L3MBTL4: variants seen among roughly 807,000 people sequenced by gnomAD.
L3MBTL4 encodes the protein L3MBTL histone methyl-lysine binding protein 4.
L3MBTL4 carries 70 observed loss-of-function variants against 84.5 expected under a neutral mutation model. The ratio of observed to expected loss-of-function variants is 0.83; its 90% confidence interval spans 0.68 to 1.01. The LOEUF (loss-of-function observed/expected upper bound fraction) is 1.01, where lower values mean the gene tolerates loss of function less well. Ranked by LOEUF, L3MBTL4 falls within the 50% of genes least tolerant of loss-of-function variation. The probability of loss-of-function intolerance (pLI) is 0.00; values close to 1 mark genes in which losing one functional copy is unlikely to be tolerated. For synonymous variants in L3MBTL4, 274 were observed against 259.8 expected (o/e 1.05, Z -0.52); for missense variants, 715 against 754.8 (o/e 0.95, Z 0.62).
At chr18:6,296,754 T>C (rs2050124308) in intron 4 of L3MBTL4, among the ~76,000 whole-genome samples, 1 of 151,908 alleles carries the variant, frequency 6.6e-6, no homozygotes, top group South Asian at 2.1e-4. Context: ...TAAATCTTAG[T>C]TGGGGAAAAG....
intron 4 of L3MBTL4, among the ~76,000 whole-genome samples, chr18:6,278,741 A>G (rs2049194535): frequency 6.6e-6 from 1 of 152,088 alleles, no homozygotes; most frequent in African/African-American, 2.4e-5. Flanking sequence ...GTCTATTCAA[A>G]TGTTCAACCT....
At chr18:5,998,528 A>G (rs2054079941) in intron 16 of L3MBTL4, among the ~76,000 whole-genome samples, 1 of 152,092 alleles carries the variant, frequency 6.6e-6, no homozygotes, top group Admixed American at 6.5e-5. Context: ...CACTTAACCA[A>G]AGGGTGGTTA....
At chr18:6,236,168 CAT>C (rs1318121310) in intron 10 of L3MBTL4, among the ~76,000 whole-genome samples, 6 of 152,124 alleles carry the variant, frequency 3.9e-5, no homozygotes, top group Admixed American at 6.5e-5. Flanking sequence ...CTGGAGGACT[CAT>C]GTGTTCCAAT....
chr18:6,054,836 C>T (rs182562736), intron 16 of L3MBTL4, among the ~76,000 whole-genome samples: 7 of 152,324 alleles, frequency 4.6e-5, no homozygotes, highest in Admixed American at 2.0e-4. Flanking sequence ...GTGGAAATGC[C>T]GCAAGGCCCC....
rs2047174490 is a variant in L3MBTL4, at chr18:6,235,331, T to C, written c.784+2633A>G. Reference sequence around the variant, plus strand: ...CTTAAAGTAACATAATAAATACAAATTTTAAAAAAGAAATAAAGACGTATG... The same window carrying C: ...CTTAAAGTAACATAATAAATACAAACTTTAAAAAAGAAATAAAGACGTATG... On this transcript the variant is annotated intron_variant, in intron 10 of 18. Transcript: ENST00000317931. Among the ~76,000 whole-genome samples, 3 of 152,026 alleles carry C rather than the reference T, an allele frequency of 2.0e-5. No individual in the cohort carries two copies. The South Asian group carries it at 6.2e-4, about 32-fold the overall frequency.
At chr18:6,065,413 T>C (rs2057368426) in intron 16 of L3MBTL4, among the ~76,000 whole-genome samples, 1 of 152,070 alleles carries the variant, frequency 6.6e-6, no homozygotes, top group Non-Finnish European at 1.5e-5. Flanking sequence ...ACTGTTTCAG[T>C]AGAATTGGTA....
In L3MBTL4 at chr18:6,407,268, G is replaced by A. The variant is rs74955350; in HGVS notation, c.-91+7533C>T. ...ACTGCTGAAGTGGGGACGCTCCTTC[G>A]AGTTCTTGGTCTGTTAACCTTAACA... On this transcript the variant is annotated intron_variant, in intron 1 of 18. Transcript: ENST00000317931. 8.5e-4 allele frequency among the ~76,000 whole-genome samples: 129 copies of A among 152,292 alleles called. 1 individual carries two copies. The East Asian group carries it at 0.024, about 28-fold the overall frequency.
intron 16 of L3MBTL4, among the ~76,000 whole-genome samples, chr18:6,047,345 C>A (rs955070165): frequency 6.6e-6 from 1 of 152,110 alleles, no homozygotes; most frequent in East Asian, 1.9e-4. Context: ...ACCAATCCTA[C>A]AGAAGCAATT....
At chr18:5,973,348 T>A (rs549423117) in intron 16 of L3MBTL4, among the ~76,000 whole-genome samples, 6 of 152,342 alleles carry the variant, frequency 3.9e-5, no homozygotes, top group African/African-American at 1.2e-4. Flanking sequence ...GTTGCCGATG[T>A]GTGGCAACCG....
rs985951071 is a variant in L3MBTL4 at position 5,955,179 on chromosome 18, T to G, written c.*1041A>C. 7 of 152,278 alleles carry G rather than the reference T, an allele frequency of 4.6e-5. No individual in the cohort carries two copies. The highest frequency in any genetic ancestry group is 1.4e-4 in the African/African-American group (6 of 41,550). 9.4% of individuals were successfully genotyped at this position (152,278 alleles called of 1,614,324 possible). A position where few individuals can be genotyped will look rare whatever the true frequency, so the allele number is the denominator to read the frequency against. On this transcript the variant is annotated 3_prime_UTR_variant, in exon 19 of 19. Coordinates refer to ENST00000317931, the MANE Select transcript of L3MBTL4 (RefSeq NM_001330559.2). ...GGACTGATTCCACACAACTTAAGCC[T>G]CCGATACAATCACTTACAAAAAACA...
intron 18 of L3MBTL4, among the ~76,000 whole-genome samples, chr18:5,958,062 GAGA>G (rs563678931): frequency 0.067 from 6,207 of 92,994 alleles, 241 homozygotes; most frequent in Non-Finnish European, 0.091. Flanking sequence ...GAAGGAGAAG[GAGA>G]AGAAGAAGAA....
intron 1 of L3MBTL4, among the ~76,000 whole-genome samples, chr18:6,356,267 A>C (rs1316250569): frequency 6.6e-6 from 1 of 152,270 alleles, no homozygotes; most frequent in African/African-American, 2.4e-5. Flanking sequence ...GCTCCCACTC[A>C]TGGAGAACCC....
intron 1 of L3MBTL4, among the ~76,000 whole-genome samples, chr18:6,315,173 C>G (rs149640077): frequency 2.7e-4 from 41 of 152,268 alleles, no homozygotes; most frequent in African/African-American, 9.6e-4. Context: ...TCTGCTGGTT[C>G]TAGGACACTG....
intron 16 of L3MBTL4, among the ~76,000 whole-genome samples, chr18:6,065,186 C>A (rs2057359501): frequency 6.6e-6 from 1 of 151,824 alleles, no homozygotes; most frequent in East Asian, 1.9e-4. Context: ...TACCTGCAAC[C>A]CTGGGATGAA....
At chr18:6,194,230 G>A (rs1011676402) in intron 12 of L3MBTL4, among the ~76,000 whole-genome samples, 4 of 152,078 alleles carry the variant, frequency 2.6e-5, no homozygotes, top group Admixed American at 6.6e-5. Context: ...TTCCCACATC[G>A]CCACTGAAAT....
chr18:6,245,779 C>T (rs1000439909), intron 5 of L3MBTL4, among the ~76,000 whole-genome samples: 6 of 151,770 alleles, frequency 4.0e-5, no homozygotes, highest in East Asian at 3.9e-4. Context: ...TTAGTAGTGA[C>T]GGGGTTTCAC....
chr18:6,108,391 AT>A (rs1439593657), intron 14 of L3MBTL4, among the ~76,000 whole-genome samples: 1 of 152,186 alleles, frequency 6.6e-6, no homozygotes, highest in Non-Finnish European at 1.5e-5. Flanking sequence ...AACAGTTACA[AT>A]AGAAATTTTC....
At chr18:6,340,582 G>A (rs1387870135) in intron 1 of L3MBTL4, among the ~76,000 whole-genome samples, 2 of 152,142 alleles carry the variant, frequency 1.3e-5, no homozygotes, top group African/African-American at 4.8e-5. Context: ...GCATGGCAAA[G>A]GGGCAGGGGC....
At chr18:6,185,429 AG>A (rs1195509147) in intron 12 of L3MBTL4, among the ~76,000 whole-genome samples, 1 of 152,142 alleles carries the variant, frequency 6.6e-6, no homozygotes, top group Admixed American at 6.5e-5. Flanking sequence ...TCATGAAGAC[AG>A]GAGGAGAGGG....
Sources: gnomAD v4.1 joint callset for allele counts (sites outside exome capture counted in the v4.1 genomes callset) on GRCh38, gnomAD v4.1.1 for gene constraint, MANE v1.5 for transcripts, NCBI Gene and HGNC (gene_info 2026-07-23, HGNC 2026-07-21) for gene names.